The following DIAPH2 variants were observed in gnomAD, a reference collection of about 807,000 sequenced individuals.
DIAPH2 encodes the protein protein diaphanous homolog 2.
Under a neutral mutation model 92.7 loss-of-function variants are expected in DIAPH2, and 35 were observed. That is an observed-to-expected ratio of 0.38 (90% CI 0.29 to 0.50). The LOEUF (loss-of-function observed/expected upper bound fraction) is 0.50, where lower values mean the gene tolerates loss of function less well. Among genes scored for constraint, DIAPH2 ranks in the 20% least tolerant of loss-of-function variants. The pLI, the probability that DIAPH2 is intolerant of heterozygous loss-of-function variation, is 0.94. For synonymous variants in DIAPH2, 301 were observed against 280.4 expected (o/e 1.07, Z -0.73); for missense variants, 701 against 819.5 (o/e 0.86, Z 1.77).
At chrX:97,485,177 A>G (rs2070679101) in intron 26 of DIAPH2, among the ~76,000 whole-genome samples, 1 of 111,982 alleles carries the variant, frequency 8.9e-6, no homozygotes, top group Non-Finnish European at 1.9e-5. Flanking sequence ...TAGTAGCACC[A>G]CCTGTCTCAC....
intron 19 of DIAPH2, among the ~76,000 whole-genome samples, chrX:97,091,612 C>G (rs2066826229): frequency 9.0e-6 from 1 of 111,352 alleles, no homozygotes; most frequent in Non-Finnish European, 1.9e-5. Flanking sequence ...GCTTTTGTTT[C>G]TCTAATTATT....
chrX:97,382,544 G>A (rs1048030536), intron 24 of DIAPH2, among the ~76,000 whole-genome samples: 2 of 112,017 alleles, frequency 1.8e-5, no homozygotes, highest in Non-Finnish European at 3.8e-5. Context: ...AGTGACAGTC[G>A]TGCTGAGGTT....
intron 23 of DIAPH2, among the ~76,000 whole-genome samples, chrX:97,248,595 A>G (rs2068161317): frequency 9.0e-6 from 1 of 111,575 alleles, no homozygotes; most frequent in Non-Finnish European, 1.9e-5. Flanking sequence ...TTAAAGCCAT[A>G]TCCTCCTCCT....
intron 4 of DIAPH2, among the ~76,000 whole-genome samples, chrX:96,806,827 G>A (rs1602523489): frequency 9.7e-6 from 1 of 103,474 alleles, no homozygotes; most frequent in Non-Finnish European, 2.0e-5. Flanking sequence ...TGCAAGCTCC[G>A]CCTCCCGGGT....
intron 24 of DIAPH2, among the ~76,000 whole-genome samples, chrX:97,365,682 C>CT (rs1196412940): frequency 5.8e-4 from 60 of 104,313 alleles, no homozygotes; most frequent in Non-Finnish European, 6.5e-4. Context: ...TTCTTTCTTT[C>CT]TTTTTTTTTT....
chrX:97,325,471 G>A (rs1243351115), intron 23 of DIAPH2, among the ~76,000 whole-genome samples: 2 of 111,996 alleles, frequency 1.8e-5, no homozygotes, highest in Non-Finnish European at 3.8e-5. Context: ...CTCAATAGTT[G>A]TCCAGTCTGG....
chrX:97,240,351 A>G (rs950385916), intron 22 of DIAPH2, among the ~76,000 whole-genome samples: 1 of 111,542 alleles, frequency 9.0e-6, no homozygotes, highest in Admixed American at 9.6e-5. Context: ...TCGCGCCTGT[A>G]ATCCCAGCAC....
At chrX:97,518,074 G>C (rs1163463760) in intron 26 of DIAPH2, among the ~76,000 whole-genome samples, 2 of 112,195 alleles carry the variant, frequency 1.8e-5, no homozygotes, top group East Asian at 5.6e-4. Context: ...ATGCAATCTT[G>C]TATGGCAAAT....
intron 23 of DIAPH2, among the ~76,000 whole-genome samples, chrX:97,292,980 G>C (rs1337915729): frequency 9.0e-6 from 1 of 110,715 alleles, no homozygotes; most frequent in African/African-American, 3.3e-5. Flanking sequence ...ACCCACTCAA[G>C]CTTATTAAAG....
intron 1 of DIAPH2, among the ~76,000 whole-genome samples, chrX:96,727,511 T>C (rs2064027187): frequency 1.8e-5 from 2 of 112,122 alleles, no homozygotes; most frequent in Admixed American, 1.9e-4. Flanking sequence ...AAAATGTTAA[T>C]GCTGCTCCTT....
intron 4 of DIAPH2, among the ~76,000 whole-genome samples, chrX:96,806,771 C>T (rs1362499801): frequency 9.9e-6 from 1 of 100,765 alleles, no homozygotes; most frequent in Non-Finnish European, 2.0e-5. Context: ...GACGGAGTCT[C>T]GCTCGGTCAT....
intron 17 of DIAPH2, among the ~76,000 whole-genome samples, chrX:97,028,540 A>C (rs988547696): frequency 8.9e-6 from 1 of 112,300 alleles, no homozygotes; most frequent in African/African-American, 3.2e-5. Context: ...CATTTCATAT[A>C]AATGGAATTA....
chrX:96,854,551 C>T (rs917568583), intron 4 of DIAPH2, among the ~76,000 whole-genome samples: 1 of 95,491 alleles, frequency 1.0e-5, no homozygotes, highest in African/African-American at 3.8e-5. Context: ...CTCTTTCTCT[C>T]TCTCTGTAGT....
At chrX:96,708,244 T>C (rs1204498508) in intron 1 of DIAPH2, among the ~76,000 whole-genome samples, 2 of 48,044 alleles carry the variant, frequency 4.2e-5, no homozygotes, top group African/African-American at 1.9e-4. Context: ...CCCACCCAGA[T>C]CATTTTTTTT....
intron 4 of DIAPH2, among the ~76,000 whole-genome samples, chrX:96,871,745 C>A (rs1343056791): frequency 1.8e-5 from 2 of 112,049 alleles, no homozygotes; most frequent in African/African-American, 6.5e-5. Flanking sequence ...AATTATGACA[C>A]ATTCCAGAGA....
chrX:97,268,475 A>G (rs192417317), intron 23 of DIAPH2, among the ~76,000 whole-genome samples: 4 of 109,921 alleles, frequency 3.6e-5, no homozygotes, highest in Admixed American at 9.7e-5. Flanking sequence ...TTATGATGCA[A>G]TTTCTCTGGC....
At chrX:96,971,630 C>A in intron 17 of DIAPH2, among the ~76,000 whole-genome samples, 1 of 111,645 alleles carries the variant, frequency 9.0e-6, no homozygotes. Context: ...TCATACAAAA[C>A]CTCTCATGTA....
intron 4 of DIAPH2, among the ~76,000 whole-genome samples, chrX:96,807,728 G>T (rs571593848): frequency 6.5e-5 from 7 of 107,892 alleles, no homozygotes; most frequent in African/African-American, 2.4e-4. Context: ...TAAGAAAAAA[G>T]TCCTAAACAG....
intron 21 of DIAPH2, among the ~76,000 whole-genome samples, chrX:97,123,149 T>C (rs1243957515): frequency 8.9e-6 from 1 of 111,758 alleles, no homozygotes; most frequent in Non-Finnish European, 1.9e-5. Flanking sequence ...TTTTAAATAG[T>C]TTCCTTTGTT....
Sources: gnomAD v4.1 joint callset for allele counts (sites outside exome capture counted in the v4.1 genomes callset) on GRCh38, gnomAD v4.1.1 for gene constraint, MANE v1.5 for transcripts, NCBI Gene and HGNC (gene_info 2026-07-23, HGNC 2026-07-21) for gene names.